Variants in RNF4 observed in about 807,000 individuals in gnomAD.
RNF4 encodes the protein ring finger protein 4, also known as E3 ubiquitin-protein ligase RNF4.
RNF4 carries 7 observed loss-of-function variants against 24.3 expected under a neutral mutation model. That is an observed-to-expected ratio of 0.29 (90% confidence interval 0.16 to 0.54). The LOEUF is 0.54. Among genes scored for constraint, RNF4 ranks in the 20% least tolerant of loss-of-function variants. The pLI is 0.95. For synonymous variants in RNF4, 83 were observed against 84.3 expected (o/e 0.98, Z 0.09); for missense variants, 209 against 248.5 (o/e 0.84, Z 1.07).
intron 4 of RNF4, among the ~76,000 whole-genome samples, chr4:2,510,680 T>A (rs1199590505): frequency 6.6e-6 from 1 of 152,222 alleles, no homozygotes; most frequent in Non-Finnish European, 1.5e-5. Flanking sequence ...CAGGATGTCC[T>A]GCCCAGGGGA....
chr4:2,513,649 C>T (rs1268826840), intron 7 of RNF4, 21 bp from the exon 8 acceptor site: 1 of 1,612,304 alleles, frequency 6.2e-7, no homozygotes, highest in Admixed American at 1.7e-5. Flanking sequence ...CTCGGAGGCT[C>T]TTCTTTTTAA....
At chr4:2,500,331 G>C (rs1735871440) in intron 3 of RNF4, among the ~76,000 whole-genome samples, 1 of 152,180 alleles carries the variant, frequency 6.6e-6, no homozygotes, top group Non-Finnish European at 1.5e-5. Flanking sequence ...GGCATGCATG[G>C]TGCGTTCTCC....
chr4:2,491,538 G>A (rs1735578995), intron 2 of RNF4, among the ~76,000 whole-genome samples: 1 of 152,092 alleles, frequency 6.6e-6, no homozygotes, highest in Admixed American at 6.6e-5. Flanking sequence ...CGCCTCCCAG[G>A]TTCAAGCGAC....
chr4:2,509,147 G>A (rs1003737359), intron 4 of RNF4, among the ~76,000 whole-genome samples: 3 of 151,094 alleles, frequency 2.0e-5, no homozygotes, highest in East Asian at 1.9e-4. Context: ...TCAAACTCCC[G>A]ACCTCAGGTT....
chr4:2,506,523 T>C (rs569246558), intron 4 of RNF4, among the ~76,000 whole-genome samples: 7 of 152,110 alleles, frequency 4.6e-5, no homozygotes, highest in East Asian at 3.9e-4. Context: ...TTTTTTTTTT[T>C]CCAAGTTGTG....
At position 2,513,851 on chromosome 4, in the gene RNF4, G is replaced by T. The variant is rs763395527; in HGVS notation, c.*32G>T. On this transcript the variant is annotated 3_prime_UTR_variant, in exon 8 of 8. Transcript: ENST00000314289. The stretch of plus-strand genomic sequence containing the variant: ...CAGAGCCCCCCAGGAGAGACGGATG[G>T]ACAGACAGACAGCCAGGTTCTCCAG... 1 of 1,612,020 alleles carries T rather than the reference G, an allele frequency of 6.2e-7. No homozygotes were observed. Among genetic ancestry groups the T allele is most frequent in the Admixed American group, 1.7e-5 (1 of 59,918 alleles).
At chr4:2,495,601 A>G (rs1735708176) in intron 2 of RNF4, among the ~76,000 whole-genome samples, 1 of 143,138 alleles carries the variant, frequency 7.0e-6, no homozygotes, top group Non-Finnish European at 1.5e-5. Flanking sequence ...CAGTGGGAAT[A>G]CAAGGTGACA....
chr4:2,503,853 A>G (rs781548315), intron 4 of RNF4, among the ~76,000 whole-genome samples: 1 of 152,136 alleles, frequency 6.6e-6, no homozygotes, highest in Non-Finnish European at 1.5e-5. Context: ...GTTTGAGTGC[A>G]CTGCTTTAGC....
At chr4:2,508,735 T>C (rs919210514) in intron 4 of RNF4, among the ~76,000 whole-genome samples, 29 of 150,432 alleles carry the variant, frequency 1.9e-4, no homozygotes, top group Non-Finnish European at 3.0e-4. Context: ...CTCAGCCTCC[T>C]GAGTAGCTGG....
In RNF4 at chr4:2,514,133, T is replaced by G; in HGVS notation, c.*314T>G. The stretch of plus-strand genomic sequence containing the variant: ...GAATCTGCACATTTGCCAAGAAATT[T>G]TCCCTGTTTGGAAAGTTTGCCCCAG... On this transcript the variant is annotated 3_prime_UTR_variant, in exon 8 of 8. Coordinates refer to ENST00000314289, the MANE Select transcript of RNF4 (RefSeq NM_002938.5). The G allele has an allele frequency of 3.3e-6, 1 of 306,444 alleles. No homozygotes were observed. The highest frequency in any genetic ancestry group is 6.2e-6 in the Non-Finnish European group (1 of 161,796). 19.0% of individuals were successfully genotyped at this position (306,444 alleles called of 1,614,324 possible).
chr4:2,513,642 G>T, intron 7 of RNF4, 28 bp from the exon 8 acceptor site: 2 of 1,611,442 alleles, frequency 1.2e-6, no homozygotes, highest in South Asian at 2.2e-5. Flanking sequence ...GGGCAAACTC[G>T]GAGGCTCTTC....
At chr4:2,513,031 A>G (rs893454696) in intron 6 of RNF4, 52 bp from the exon 7 acceptor site, 4 of 1,554,856 alleles carry the variant, frequency 2.6e-6, no homozygotes, top group Middle Eastern at 1.7e-4. Flanking sequence ...GACAGGGTAT[A>G]ATAAAATGTT....
intron 1 of RNF4, among the ~76,000 whole-genome samples, chr4:2,487,691 G>C (rs894927326): frequency 3.3e-5 from 5 of 152,184 alleles, no homozygotes; most frequent in Non-Finnish European, 7.3e-5. Flanking sequence ...CAAAGTGCTG[G>C]GGTTATAGGG....
chr4:2,497,295 A>G (rs745470603), intron 3 of RNF4, 174 bp downstream of exon 3: 1 of 524,782 alleles, frequency 1.9e-6, no homozygotes, highest in Non-Finnish European at 3.4e-6. Context: ...CAACTGGGCT[A>G]ACTGTTCAAC....
intron 1 of RNF4, among the ~76,000 whole-genome samples, chr4:2,482,569 G>C (rs1256654583): frequency 6.6e-6 from 1 of 152,222 alleles, no homozygotes; most frequent in African/African-American, 2.4e-5. Context: ...CCAAAGCCTA[G>C]GCCATCTTGG....
At chr4:2,491,348 T>A (rs1012337223) in intron 2 of RNF4, among the ~76,000 whole-genome samples, 30 of 152,180 alleles carry the variant, frequency 2.0e-4, no homozygotes, top group Non-Finnish European at 3.8e-4. Context: ...GTGATTCTTG[T>A]GCCTCAGCCT....
At chr4:2,498,819 A>G (rs1184009054) in intron 3 of RNF4, among the ~76,000 whole-genome samples, 1 of 152,202 alleles carries the variant, frequency 6.6e-6, no homozygotes, top group African/African-American at 2.4e-5. Flanking sequence ...TGAGCCTGGA[A>G]CATTGAGGCT....
chr4:2,470,241 G>A (rs1734860657), intron 1 of RNF4, among the ~76,000 whole-genome samples: 1 of 152,222 alleles, frequency 6.6e-6, no homozygotes, highest in Admixed American at 6.5e-5. Context: ...CACATAGCCA[G>A]CTATTTGGCA....
chr4:2,508,642 C>T (rs1410470706), intron 4 of RNF4, among the ~76,000 whole-genome samples: 4 of 152,082 alleles, frequency 2.6e-5, no homozygotes, highest in African/African-American at 9.7e-5. Context: ...CGGAATTTCA[C>T]TCTTGTTGCC....
Sources: allele counts gnomAD v4.1 joint callset (sites outside exome capture counted in the v4.1 genomes callset), GRCh38; gene constraint gnomAD v4.1.1; transcripts MANE v1.5; gene names NCBI Gene and HGNC (gene_info 2026-07-23, HGNC 2026-07-21).